CDH2: variants seen among roughly 807,000 people sequenced by gnomAD.
CDH2 encodes the protein cadherin 2.
A neutral mutation model predicts 92.0 loss-of-function variants in CDH2; 17 were observed. That is an observed-to-expected ratio of 0.18 (90% CI 0.13 to 0.28). The LOEUF (loss-of-function observed/expected upper bound fraction) is 0.28. Among genes scored for constraint, CDH2 ranks in the 10% least tolerant of loss-of-function variants. The probability of loss-of-function intolerance (pLI) is 1.00; values close to 1 mark genes in which losing one functional copy is unlikely to be tolerated. For missense variants in CDH2, 862 were observed against 1,133.1 expected, an observed-to-expected ratio of 0.76 and a Z score of 3.44; for synonymous variants, 419 against 415.9, an observed-to-expected ratio of 1.01 and a Z score of -0.09.
At chr18:28,092,508 A>G (rs543801751) in intron 2 of CDH2, among the ~76,000 whole-genome samples, 2 of 152,170 alleles carry the variant, frequency 1.3e-5, no homozygotes, top group East Asian at 3.9e-4. Context: ...CTGCTACCCT[A>G]TTTCAAGGAA....
At chr18:28,046,113 A>C (rs958581597) in intron 2 of CDH2, among the ~76,000 whole-genome samples, 13 of 152,206 alleles carry the variant, frequency 8.5e-5, no homozygotes, top group African/African-American at 2.9e-4. Flanking sequence ...ATTCCTTTCT[A>C]TAAGATGGCG....
intron 2 of CDH2, among the ~76,000 whole-genome samples, chr18:28,049,372 A>G (rs2144123501): frequency 6.6e-6 from 1 of 152,320 alleles, no homozygotes; most frequent in East Asian, 1.9e-4. Context: ...ACAATGCTAA[A>G]CACGCTCCTG....
chr18:27,940,883 T>C (rs1325214806), intron 6 of CDH2, among the ~76,000 whole-genome samples: 1 of 152,098 alleles, frequency 6.6e-6, no homozygotes, highest in African/African-American at 2.4e-5. Context: ...AGCAAACATA[T>C]CCTGGAACAA....
intron 6 of CDH2, among the ~76,000 whole-genome samples, chr18:28,004,647 T>A (rs2012863959): frequency 6.6e-6 from 1 of 152,104 alleles, no homozygotes; most frequent in Admixed American, 6.6e-5. Context: ...ATTTCCACAG[T>A]CCCAAAAGCC....
At chr18:28,150,522 C>T (rs1240389846) in intron 1 of CDH2, among the ~76,000 whole-genome samples, 1 of 152,178 alleles carries the variant, frequency 6.6e-6, no homozygotes, top group Non-Finnish European at 1.5e-5. Context: ...ATGTTCACCT[C>T]TGTGTTTTGT....
chr18:28,175,713 C>G (rs1345028526), intron 1 of CDH2, among the ~76,000 whole-genome samples: 1 of 152,230 alleles, frequency 6.6e-6, no homozygotes, highest in African/African-American at 2.4e-5. Context: ...ACCCCCGGAG[C>G]AGGCACTTCC....
chr18:28,104,766 G>T (rs1281219610), intron 2 of CDH2, among the ~76,000 whole-genome samples: 1 of 151,028 alleles, frequency 6.6e-6, no homozygotes, highest in Non-Finnish European at 1.5e-5. Context: ...ATAGATATAT[G>T]TTCCATCTAT....
At chr18:28,176,885 G>A in intron 1 of CDH2, 78 bp downstream of exon 1, 1 of 816,074 alleles carries the variant, frequency 1.2e-6, no homozygotes, top group Non-Finnish European at 1.5e-6. Context: ...CGGCCCCGCA[G>A]CGGCGCGGGG....
chr18:28,156,908 T>C (rs1166883024), intron 1 of CDH2, among the ~76,000 whole-genome samples: 1 of 152,156 alleles, frequency 6.6e-6, no homozygotes, highest in Non-Finnish European at 1.5e-5. Flanking sequence ...TCGAGTGACA[T>C]CCATATAGAC....
chr18:28,175,388 G>GA, intron 1 of CDH2, among the ~76,000 whole-genome samples: 1 of 152,234 alleles, frequency 6.6e-6, no homozygotes, highest in East Asian at 1.9e-4. Context: ...CCAAGAAAGG[G>GA]AAAAGGAACG....
chr18:28,077,538 G>C (rs2014743942), intron 2 of CDH2, among the ~76,000 whole-genome samples: 1 of 151,934 alleles, frequency 6.6e-6, no homozygotes, highest in African/African-American at 2.4e-5. Flanking sequence ...CCAAAATAGA[G>C]GACTAAGCAG....
At chr18:27,958,195 T>C (rs2011298664) in intron 15 of CDH2, among the ~76,000 whole-genome samples, 1 of 152,124 alleles carries the variant, frequency 6.6e-6, no homozygotes, top group Admixed American at 6.6e-5. Context: ...GATGGCTAGA[T>C]TTGAACTTAC....
Position 27,963,487 on chromosome 18 carries a change from G to C in CDH2, c.2384C>G (p.Thr795Ser). Residue 795 changes from threonine (T) to serine (S), a missense_variant, in exon 15 of 16, where the codon ACT becomes AGT. Physicochemically the swap from Thr to Ser is moderately conservative, Grantham distance 58. This residue lies in a region of CDH2 where 114 missense variants were observed against 144.8 expected (regional missense o/e 0.79). Transcript: ENST00000269141. ...YDLSQLQQPD[T>S]VEPDAIKPVG... Reference sequence around the variant, plus strand: ...AGGCTTGATGGCATCAGGCTCCACAGTGTCAGGCTGCTGCAGCTGGCTCAA... The same window carrying C: ...AGGCTTGATGGCATCAGGCTCCACACTGTCAGGCTGCTGCAGCTGGCTCAA... 6.2e-7 allele frequency: 1 copy of C among 1,614,090 alleles called. No homozygotes were observed. Among genetic ancestry groups the C allele is most frequent in the Non-Finnish European group, 8.5e-7 (1 of 1,180,024 alleles).
chr18:28,120,012 G>A (rs1237537158), intron 2 of CDH2, among the ~76,000 whole-genome samples: 1 of 152,028 alleles, frequency 6.6e-6, no homozygotes, highest in Non-Finnish European at 1.5e-5. Context: ...ATCTTTCCTG[G>A]AATGCCAGCT....
chr18:27,957,236 G>A (rs1336337446), intron 15 of CDH2, among the ~76,000 whole-genome samples: 1 of 151,178 alleles, frequency 6.6e-6, no homozygotes, highest in Non-Finnish European at 1.5e-5. Context: ...GGTCTCTCTG[G>A]TCCCTTCTAC....
chr18:27,967,485 T>C (rs2011558875), intron 14 of CDH2, among the ~76,000 whole-genome samples: 1 of 152,156 alleles, frequency 6.6e-6, no homozygotes, highest in South Asian at 2.1e-4. Flanking sequence ...ATGGCCTTAC[T>C]CCTGAAGATT....
chr18:28,019,835 T>C (rs1320838250), intron 2 of CDH2, among the ~76,000 whole-genome samples: 1 of 152,170 alleles, frequency 6.6e-6, no homozygotes, highest in Non-Finnish European at 1.5e-5. Flanking sequence ...TGGAATGTGG[T>C]GTATTACACA....
At chr18:27,979,875 G>A (rs1021570066) in intron 14 of CDH2, among the ~76,000 whole-genome samples, 3 of 152,166 alleles carry the variant, frequency 2.0e-5, no homozygotes, top group Admixed American at 6.6e-5. Flanking sequence ...GTTGGTGTGA[G>A]TTGTAGTTAC....
At chr18:28,089,296 TAAATACAATG>T (rs1246395270) in intron 2 of CDH2, among the ~76,000 whole-genome samples, 1 of 152,154 alleles carries the variant, frequency 6.6e-6, no homozygotes, top group Non-Finnish European at 1.5e-5. Flanking sequence ...AAAAGAGTGA[TAAATACAATG>T]AAATTCCTTC....
Sources: gnomAD v4.1 joint callset for allele counts (sites outside exome capture counted in the v4.1 genomes callset) on GRCh38, gnomAD v4.1.1 for gene constraint, gnomAD v4.1.1 regional missense constraint, MANE v1.5 for transcripts, NCBI Gene and HGNC (gene_info 2026-07-23, HGNC 2026-07-21) for gene names.